Variants in TEX101 observed in about 807,000 individuals in gnomAD.
TEX101 encodes testis expressed 101.
TEX101 carries 10 observed loss-of-function variants against 18.1 expected under a neutral mutation model. That is an observed-to-expected ratio of 0.55 (90% CI 0.34 to 0.94). TEX101 has a LOEUF of 0.94. Ranked by LOEUF, TEX101 falls within the 40% of genes least tolerant of loss-of-function variation. The pLI, the probability that TEX101 is intolerant of heterozygous loss-of-function variation, is 0.02. For synonymous variants in TEX101, 94 were observed against 114.8 expected (o/e 0.82, Z 1.16); for missense variants, 259 against 298.9 (o/e 0.87, Z 0.98).
At chr19:43,401,876 A>G (rs1970321554) in intron 1 of TEX101, among the ~76,000 whole-genome samples, 1 of 152,238 alleles carries the variant, frequency 6.6e-6, no homozygotes, top group African/African-American at 2.4e-5. Context: ...TTAAAAGCCC[A>G]GATTCTACTC....
chr19:43,395,858 GAGC>G, the TEX101 span, among the ~76,000 whole-genome samples: 1 of 152,306 alleles, frequency 6.6e-6, no homozygotes, highest in South Asian at 2.1e-4. Flanking sequence ...GGTCAGCCTG[GAGC>G]AGCAGCAGGA....
chr19:43,388,674 C>T, the TEX101 span, among the ~76,000 whole-genome samples: 1 of 152,148 alleles, frequency 6.6e-6, no homozygotes, highest in Non-Finnish European at 1.5e-5. Flanking sequence ...AACGAGTCAC[C>T]GTGTATCTGG....
upstream of TEX101, among the ~76,000 whole-genome samples, chr19:43,412,826 AT>A (rs1273441558): frequency 6.6e-6 from 1 of 152,176 alleles, no homozygotes; most frequent in African/African-American, 2.4e-5. Flanking sequence ...ATCAGTACCA[AT>A]TCTGAAAGTA....
upstream of TEX101, among the ~76,000 whole-genome samples, chr19:43,411,292 G>A (rs1173624992): frequency 6.6e-6 from 1 of 151,904 alleles, no homozygotes; most frequent in Non-Finnish European, 1.5e-5. Flanking sequence ...GGCCAGGCTG[G>A]TCTCGAACTC....
intron 3 of TEX101, among the ~76,000 whole-genome samples, chr19:43,407,473 G>A (rs1484404007): frequency 7.0e-5 from 10 of 142,090 alleles, no homozygotes; most frequent in East Asian, 2.2e-4. Flanking sequence ...CAACAAGAGC[G>A]AAACTTCGTC....
rs775781538 is a variant in TEX101 at position 43,417,963 on chromosome 19, T to C, written c.477T>C (p.Asn159=). ...CFSAPSLPCP[N]GTTRCYQGKL... ...GTGCTCCTTCTCTTCCCTGTCCCAA[T>C]GGTACAACTCGATGCTATCAAGGAA... Residue 159 remains asparagine, a synonymous_variant, in exon 5 of 6, where the codon AAT becomes AAC. Coordinates refer to ENST00000598265, the MANE Select transcript of TEX101 (RefSeq NM_001130011.3). 3.1e-6 allele frequency: 5 copies of C among 1,614,152 alleles called. No individual in the cohort carries two copies. In the East Asian group the frequency reaches 1.1e-4, roughly 36 times the overall value.
upstream of TEX101, among the ~76,000 whole-genome samples, chr19:43,398,178 A>G (rs1970288269): frequency 1.1e-5 from 1 of 91,156 alleles, no homozygotes; most frequent in Non-Finnish European, 2.0e-5. Flanking sequence ...TATATAATAT[A>G]TAAAAATATA....
upstream of TEX101, among the ~76,000 whole-genome samples, chr19:43,413,649 T>A (rs1335438481): frequency 6.6e-6 from 1 of 152,032 alleles, no homozygotes; most frequent in Non-Finnish European, 1.5e-5. Flanking sequence ...CAACTTCATG[T>A]CACACCTGGA....
upstream of TEX101, among the ~76,000 whole-genome samples, chr19:43,411,252 T>C (rs1385455361): frequency 1.3e-5 from 2 of 152,140 alleles, no homozygotes; most frequent in African/African-American, 4.8e-5. Flanking sequence ...AATTTTTTCA[T>C]TTTTAGTGGA....
At chr19:43,401,299 T>C (rs1970316019), upstream of TEX101, among the ~76,000 whole-genome samples, 1 of 152,222 alleles carries the variant, frequency 6.6e-6, no homozygotes, top group Non-Finnish European at 1.5e-5. Context: ...CTGAAAGCAA[T>C]GTATAGACAC....
At chr19:43,398,252 A>G (rs934409737), upstream of TEX101, among the ~76,000 whole-genome samples, 2 of 119,700 alleles carry the variant, frequency 1.7e-5, no homozygotes, top group Admixed American at 1.2e-4. Flanking sequence ...TATATAATAT[A>G]TATAATATAT....
chr19:43,416,110 C>G lies in TEX101; in HGVS notation c.76C>G (p.Leu26Val), dbSNP rs1308806698. The change falls in exon 3 of 6, where the codon CTG becomes GTG. Residue 26 changes from leucine (L) to valine (V), a missense_variant. Coordinates refer to ENST00000598265, the MANE Select transcript of TEX101 (RefSeq NM_001130011.3). ...GASLLTSGLE[L>V]YCQKGLSMTV... ...TGTTTTCTCCTCAGCGGGCCTAGAG[C>G]TGTATTGTCAAAAGGGTCTGTCCAT... is the stretch of plus-strand genomic sequence containing the variant. 6 of 1,611,120 alleles carry G rather than the reference C, an allele frequency of 3.7e-6. No homozygotes were observed. In the South Asian group the frequency reaches 6.6e-5, roughly 18 times the overall value.
chr19:43,392,295 C>G, the TEX101 span, among the ~76,000 whole-genome samples: 1 of 152,012 alleles, frequency 6.6e-6, no homozygotes, highest in Non-Finnish European at 1.5e-5. Context: ...TAGAGAGATT[C>G]AGGGCAGGAC....
At chr19:43,399,054 G>C (rs182737842), upstream of TEX101, among the ~76,000 whole-genome samples, 83 of 152,292 alleles carry the variant, frequency 5.5e-4, no homozygotes, top group African/African-American at 1.8e-3. Flanking sequence ...ACATGACATA[G>C]ACTGTGAGGA....
Position 43,418,005 on chromosome 19 carries a change from A to G in TEX101, c.519A>G (p.Gly173=). The G allele has an allele frequency of 6.2e-7, 1 of 1,614,180 alleles. No homozygotes were observed. The highest frequency in any genetic ancestry group is 8.5e-7 in the Non-Finnish European group (1 of 1,180,022). ...ATCAAGGAAAACTTGAGATCACTGGAGGTAAACTGAAATGAACATCTGATA... is the reference window on the plus strand; with the variant it reads ...ATCAAGGAAAACTTGAGATCACTGGGGGTAAACTGAAATGAACATCTGATA... ...RCYQGKLEIT[G]GGIESSVEVK... is the part of the protein sequence containing the mutation. The change falls in exon 5 of 6, where the codon GGA becomes GGG. Residue 173 remains glycine, a splice_region_variant and synonymous_variant. Coordinates refer to ENST00000598265, the MANE Select transcript of TEX101 (RefSeq NM_001130011.3).
intron 3 of TEX101, among the ~76,000 whole-genome samples, chr19:43,408,837 G>A (rs1255186290): frequency 6.6e-6 from 1 of 152,114 alleles, no homozygotes; most frequent in Non-Finnish European, 1.5e-5. Context: ...GATCCCTAAG[G>A]TCACATGGGA....
chr19:43,404,003 C>G (rs1313822536), intron 2 of TEX101, among the ~76,000 whole-genome samples: 1 of 148,282 alleles, frequency 6.7e-6, no homozygotes, highest in Non-Finnish European at 1.5e-5. Context: ...CACGCCACTG[C>G]ACTCCAGCCT....
At chr19:43,398,669 C>G (rs1012586507), upstream of TEX101, among the ~76,000 whole-genome samples, 23 of 152,064 alleles carry the variant, frequency 1.5e-4, no homozygotes, top group Non-Finnish European at 7.4e-5. Context: ...TTTTTCATGA[C>G]TGCTAAAGAA....
the TEX101 span, among the ~76,000 whole-genome samples, chr19:43,396,199 A>T: frequency 6.6e-6 from 1 of 152,172 alleles, no homozygotes; most frequent in Non-Finnish European, 1.5e-5. Context: ...ACCAGCACCA[A>T]GTGGAGAGAT....
Sources: allele counts gnomAD v4.1 joint callset (sites outside exome capture counted in the v4.1 genomes callset), GRCh38; gene constraint gnomAD v4.1.1; transcripts MANE v1.5; gene names NCBI Gene and HGNC (gene_info 2026-07-23, HGNC 2026-07-21).